The following FXR1 variants were observed in gnomAD, a reference collection of about 807,000 sequenced individuals.
The protein encoded by FXR1 is FMR1 autosomal homolog 1, also known as RNA-binding protein FXR1.
In FXR1, 15 loss-of-function variants were observed where a neutral mutation model predicts 84.0. The observed-to-expected ratio is 0.18, with a 90% CI of 0.12 to 0.27. The LOEUF (loss-of-function observed/expected upper bound fraction) is 0.27. Ranked by LOEUF, FXR1 falls within the 10% of genes least tolerant of loss-of-function variation. The probability of loss-of-function intolerance (pLI) is 1.00; values close to 1 mark genes in which losing one functional copy is unlikely to be tolerated. For missense variants in FXR1, 480 were observed against 774.4 expected (o/e 0.62, Z 4.51); for synonymous variants, 245 against 250.7 (o/e 0.98, Z 0.21).
At chr3:180,945,409 C>CT (rs199551051) in intron 3 of FXR1, among the ~76,000 whole-genome samples, 1 of 152,008 alleles carries the variant, frequency 6.6e-6, no homozygotes. Context: ...TTTATTTTAC[C>CT]TTTTTTTTCC....
chr3:180,934,192 A>T (rs1389101669), intron 2 of FXR1, among the ~76,000 whole-genome samples: 1 of 152,190 alleles, frequency 6.6e-6, no homozygotes, highest in East Asian at 1.9e-4. Context: ...ATTGCCTGAA[A>T]AGATCTTTGC....
chr3:180,964,869 T>C (rs2108487236), intron 13 of FXR1, among the ~76,000 whole-genome samples: 1 of 151,694 alleles, frequency 6.6e-6, no homozygotes, highest in South Asian at 2.1e-4. Context: ...CCTCTTGGAG[T>C]CGATAAAACG....
intron 1 of FXR1, among the ~76,000 whole-genome samples, chr3:180,928,101 G>T (rs1719442222): frequency 6.7e-6 from 1 of 148,930 alleles, no homozygotes; most frequent in African/African-American, 2.5e-5. Context: ...ATTTTTTTTT[G>T]AAGTTTGAAT....
intron 2 of FXR1, among the ~76,000 whole-genome samples, chr3:180,934,817 C>G (rs1321306912): frequency 2.6e-5 from 4 of 152,122 alleles, no homozygotes; most frequent in African/African-American, 7.2e-5. Flanking sequence ...TCACTGTGAA[C>G]TTAGCTTATT....
At chr3:180,925,870 T>C (rs1030838281) in intron 1 of FXR1, among the ~76,000 whole-genome samples, 1 of 152,218 alleles carries the variant, frequency 6.6e-6, no homozygotes, top group Non-Finnish European at 1.5e-5. Flanking sequence ...TACCTTTTTC[T>C]CATGGGCTAT....
chr3:180,970,423 A>ATATATATATATAT (rs1713423214), intron 15 of FXR1, 65 bp downstream of exon 15: 2 of 200,442 alleles, frequency 1.0e-5, no homozygotes, highest in East Asian at 8.6e-5. Flanking sequence ...TATATATATA[A>ATATATATATATAT]TTGTAAACTA....
intron 1 of FXR1, among the ~76,000 whole-genome samples, chr3:180,920,006 C>G (rs886661843): frequency 6.6e-6 from 1 of 152,172 alleles, no homozygotes; most frequent in African/African-American, 2.4e-5. Context: ...ATTTAACTTG[C>G]CTGCCATTCT....
At chr3:180,937,141 T>C (rs1720613445) in intron 3 of FXR1, among the ~76,000 whole-genome samples, 2 of 152,240 alleles carry the variant, frequency 1.3e-5, no homozygotes, top group South Asian at 4.1e-4. Flanking sequence ...TTCATTTTCA[T>C]TTTTCAAAAT....
chr3:180,913,893 T>A (rs1316014546), intron 1 of FXR1, among the ~76,000 whole-genome samples: 1 of 152,242 alleles, frequency 6.6e-6, no homozygotes, highest in East Asian at 1.9e-4. Flanking sequence ...AGGTTTTCAT[T>A]TCAGCGTACC....
intron 10 of FXR1, among the ~76,000 whole-genome samples, chr3:180,961,226 G>C (rs766860304): frequency 6.6e-6 from 1 of 151,346 alleles, no homozygotes; most frequent in Admixed American, 6.6e-5. Flanking sequence ...TATAGTCCCA[G>C]CTACTCTGGA....
intron 2 of FXR1, among the ~76,000 whole-genome samples, chr3:180,934,795 C>G (rs1720335214): frequency 6.6e-6 from 1 of 152,130 alleles, no homozygotes; most frequent in African/African-American, 2.4e-5. Context: ...CTGTCCGAAT[C>G]AAAGTTAGTC....
chr3:180,959,324 A>G (rs1711777590), intron 10 of FXR1, among the ~76,000 whole-genome samples: 2 of 150,054 alleles, frequency 1.3e-5, no homozygotes, highest in African/African-American at 2.4e-5. Flanking sequence ...ATGCTGTACA[A>G]TGAGTTTTTT....
intron 15 of FXR1, chr3:180,971,269 A>C (rs1437766521): frequency 2.9e-5 from 6 of 209,012 alleles, no homozygotes; most frequent in Non-Finnish European, 5.7e-5. Flanking sequence ...ATACATTCAA[A>C]ATTTGCATTG....
intron 1 of FXR1, among the ~76,000 whole-genome samples, chr3:180,931,663 GT>G (rs752897602): frequency 6.6e-6 from 1 of 150,808 alleles, no homozygotes; most frequent in African/African-American, 2.4e-5. Flanking sequence ...CCCACTGCCA[GT>G]TTATATTTTA....
intron 10 of FXR1, 72 bp downstream of exon 10, chr3:180,958,000 TTGTC>T (rs1424205906): frequency 1.5e-5 from 10 of 661,014 alleles, no homozygotes; most frequent in Non-Finnish European, 2.4e-5. Context: ...TGTAAACATT[TTGTC>T]TGTTTTATCT....
chr3:180,962,786 G>A (rs1712289501), intron 11 of FXR1, 97 bp from the exon 12 acceptor site: 1 of 780,222 alleles, frequency 1.3e-6, no homozygotes, highest in Non-Finnish European at 2.2e-6. Context: ...ATTGCCTAAG[G>A]TCACAGCTTT....
chr3:180,971,238 T>TA (rs2108494656), intron 15 of FXR1: 2 of 409,776 alleles, frequency 4.9e-6, no homozygotes, highest in East Asian at 8.1e-5. Context: ...ATATTATACT[T>TA]ACATGTACAC....
At chr3:180,965,400 G>T (rs969010273) in intron 13 of FXR1, among the ~76,000 whole-genome samples, 19 of 152,134 alleles carry the variant, frequency 1.2e-4, no homozygotes, top group Non-Finnish European at 2.9e-5. Flanking sequence ...TGGAATAAAT[G>T]GTTTCCCTGA....
intron 3 of FXR1, among the ~76,000 whole-genome samples, chr3:180,946,755 T>C (rs973614007): frequency 2.0e-5 from 3 of 152,222 alleles, no homozygotes; most frequent in Non-Finnish European, 4.4e-5. Flanking sequence ...TCAGGCTTTC[T>C]AAAAGTCTTT....
Sources: gnomAD v4.1 joint callset for allele counts (sites outside exome capture counted in the v4.1 genomes callset) on GRCh38, gnomAD v4.1.1 for gene constraint, MANE v1.5 for transcripts, NCBI Gene and HGNC (gene_info 2026-07-23, HGNC 2026-07-21) for gene names.